FGGY: variants seen among roughly 807,000 people sequenced by gnomAD.
The protein encoded by FGGY is FGGY carbohydrate kinase domain containing, also known as FGGY carbohydrate kinase domain-containing protein.
A neutral mutation model predicts 71.3 loss-of-function variants in FGGY; 72 were observed. The observed-to-expected ratio is 1.01, with a 90% CI of 0.84 to 1.23. The LOEUF (loss-of-function observed/expected upper bound fraction) is 1.23, where lower values mean the gene tolerates loss of function less well. FGGY is among the 50% of genes most tolerant of loss of function. The pLI is 0.00. For missense variants in FGGY, 668 were observed against 682.3 expected, an observed-to-expected ratio of 0.98 and a Z score of 0.23; for synonymous variants, 251 against 250.3, an observed-to-expected ratio of 1.00 and a Z score of -0.02.
chr1:59,402,855 T>C (rs1284063879), intron 5 of FGGY, among the ~76,000 whole-genome samples: 1 of 152,130 alleles, frequency 6.6e-6, no homozygotes, highest in Non-Finnish European at 1.5e-5. Flanking sequence ...GGAAAAGGCT[T>C]CATTCTTAGT....
intron 2 of FGGY, among the ~76,000 whole-genome samples, chr1:59,337,316 A>T (rs931899994): frequency 6.6e-6 from 1 of 152,138 alleles, no homozygotes; most frequent in Non-Finnish European, 1.5e-5. Context: ...GTCTAAGGGC[A>T]GGAGGAGAAA....
intron 8 of FGGY, among the ~76,000 whole-genome samples, chr1:59,584,549 C>A (rs184866380): frequency 0.027 from 4,050 of 149,710 alleles, 566 homozygotes; most frequent in African/African-American, 0.097. Context: ...TATGACAAAC[C>A]CACAGCCAAT....
intron 14 of FGGY, among the ~76,000 whole-genome samples, chr1:59,723,798 G>C (rs1454706684): frequency 6.6e-6 from 1 of 152,162 alleles, no homozygotes; most frequent in East Asian, 1.9e-4. Context: ...ACATTCAGTG[G>C]TTTTGATAAA....
chr1:59,473,482 T>G (rs1390245133), intron 6 of FGGY, among the ~76,000 whole-genome samples: 1 of 152,178 alleles, frequency 6.6e-6, no homozygotes, highest in Non-Finnish European at 1.5e-5. Context: ...AACCCAGCAA[T>G]TCTGGACACA....
chr1:59,627,763 T>G (rs2096873482), intron 10 of FGGY, among the ~76,000 whole-genome samples: 1 of 151,938 alleles, frequency 6.6e-6, no homozygotes, highest in Non-Finnish European at 1.5e-5. Flanking sequence ...AAGAAAAAAG[T>G]TACTCAACAA....
chr1:59,593,848 A>T (rs1377812968), intron 8 of FGGY, among the ~76,000 whole-genome samples: 1 of 152,196 alleles, frequency 6.6e-6, no homozygotes, highest in Non-Finnish European at 1.5e-5. Context: ...CCGAAGGGTC[A>T]TGTGAAGTGT....
At chr1:59,436,211 C>T (rs1321658676) in intron 5 of FGGY, among the ~76,000 whole-genome samples, 1 of 152,064 alleles carries the variant, frequency 6.6e-6, no homozygotes, top group Non-Finnish European at 1.5e-5. Flanking sequence ...CTGACTTCAC[C>T]GTCCCTCAGT....
At chr1:59,686,237 C>T (rs1037542624) in intron 14 of FGGY, among the ~76,000 whole-genome samples, 1 of 152,030 alleles carries the variant, frequency 6.6e-6, no homozygotes, top group Non-Finnish European at 1.5e-5. Flanking sequence ...ATATTCCTTC[C>T]CTTGGCCAGC....
chr1:59,334,315 G>T (rs571691884), intron 2 of FGGY, among the ~76,000 whole-genome samples: 1 of 152,132 alleles, frequency 6.6e-6, no homozygotes, highest in African/African-American at 2.4e-5. Context: ...GCTAGTTTTT[G>T]TATTTTTTAG....
At position 59,665,547 on chromosome 1, in the gene FGGY, AG is replaced by A. The variant is rs2097315437; in HGVS notation, c.1297-1734del. On this transcript the variant is annotated intron_variant, in intron 12 of 15. Coordinates refer to ENST00000303721, the MANE Select transcript of FGGY (RefSeq NM_018291.5). Reference sequence around the variant, plus strand: ...TCACCCTCTGACCACTCCTGTCCCCAGGTTCCCCCATCCCCTGGGGTGACAG... The same window carrying A: ...TCACCCTCTGACCACTCCTGTCCCCAGTTCCCCCATCCCCTGGGGTGACAG... Among the ~76,000 whole-genome samples the A allele has an allele frequency of 2.0e-5, 3 of 152,026 alleles. No individual in the cohort carries two copies. In the South Asian group the frequency reaches 6.2e-4, roughly 31 times the overall value.
intron 15 of FGGY, among the ~76,000 whole-genome samples, chr1:59,762,251 G>A (rs897520547): frequency 4.6e-5 from 7 of 151,864 alleles, no homozygotes; most frequent in Admixed American, 1.3e-4. Context: ...CACCATGTCT[G>A]GCTAATTTTT....
chr1:59,399,974 G>A (rs1160775178), intron 5 of FGGY, among the ~76,000 whole-genome samples: 1 of 152,096 alleles, frequency 6.6e-6, no homozygotes, highest in Admixed American at 6.5e-5. Context: ...TCAAAGTTTT[G>A]CTTTTCTGTT....
At chr1:59,371,980 A>G (rs1261861194) in intron 4 of FGGY, among the ~76,000 whole-genome samples, 4 of 152,106 alleles carry the variant, frequency 2.6e-5, no homozygotes, top group Admixed American at 1.3e-4. Context: ...TTGACACCCT[A>G]ACATCACAAT....
intron 13 of FGGY, among the ~76,000 whole-genome samples, chr1:59,671,541 A>G (rs2097377401): frequency 6.6e-6 from 1 of 152,070 alleles, no homozygotes. Context: ...TGGAGGGAGG[A>G]AGGGAAGAGG....
intron 10 of FGGY, among the ~76,000 whole-genome samples, chr1:59,633,211 C>T (rs1368495045): frequency 1.3e-4 from 19 of 151,990 alleles, no homozygotes; most frequent in African/African-American, 4.1e-4. Flanking sequence ...GGGGTTTCAC[C>T]GTGTTAGCCA....
intron 14 of FGGY, among the ~76,000 whole-genome samples, chr1:59,732,812 C>T (rs922975927): frequency 2.6e-5 from 4 of 152,146 alleles, no homozygotes; most frequent in South Asian, 4.2e-4. Context: ...GAACCAGAGA[C>T]GTCACAGGAA....
intron 5 of FGGY, among the ~76,000 whole-genome samples, chr1:59,429,211 T>G (rs1383667271): frequency 6.6e-6 from 1 of 151,906 alleles, no homozygotes; most frequent in Non-Finnish European, 1.5e-5. Flanking sequence ...AAAGTAAATC[T>G]CTTGGTGGCC....
chr1:59,472,581 C>T (rs2093015646), intron 6 of FGGY, among the ~76,000 whole-genome samples: 1 of 152,258 alleles, frequency 6.6e-6, no homozygotes, highest in African/African-American at 2.4e-5. Context: ...ACCTTTATGT[C>T]TAGATCAGGG....
intron 8 of FGGY, among the ~76,000 whole-genome samples, chr1:59,593,424 C>T (rs76707634): frequency 1.3e-5 from 2 of 152,328 alleles, no homozygotes; most frequent in East Asian, 3.9e-4. Context: ...TTTATTTTCA[C>T]ATCTGCTCCG....
Sources: allele counts gnomAD v4.1 joint callset (sites outside exome capture counted in the v4.1 genomes callset), GRCh38; gene constraint gnomAD v4.1.1; transcripts MANE v1.5; gene names NCBI Gene and HGNC (gene_info 2026-07-23, HGNC 2026-07-21).